Variants in SH3RF2 observed in about 807,000 individuals in gnomAD.
SH3RF2 encodes the protein SH3 domain containing ring finger 2.
In SH3RF2, 43 loss-of-function variants were observed where a neutral mutation model predicts 59.0. That is an observed-to-expected ratio of 0.73 (90% CI 0.57 to 0.94). SH3RF2 has a LOEUF of 0.94. Ranked by LOEUF, SH3RF2 falls within the 40% of genes least tolerant of loss-of-function variation. The probability of loss-of-function intolerance (pLI) is 0.00; values close to 1 mark genes in which losing one functional copy is unlikely to be tolerated. For missense variants in SH3RF2, 930 were observed against 940.1 expected, an observed-to-expected ratio of 0.99 and a Z score of 0.14; for synonymous variants, 391 against 391.5, an observed-to-expected ratio of 1.00 and a Z score of 0.01.
At chr5:146,015,924 T>C (rs373879827) in intron 5 of SH3RF2, among the ~76,000 whole-genome samples, 3 of 152,330 alleles carry the variant, frequency 2.0e-5, no homozygotes, top group East Asian at 3.9e-4. Context: ...GGCCCACTTA[T>C]GACATATCTA....
intron 2 of SH3RF2, among the ~76,000 whole-genome samples, chr5:145,994,133 A>G (rs1334332944): frequency 6.6e-6 from 1 of 152,184 alleles, no homozygotes; most frequent in Non-Finnish European, 1.5e-5. Context: ...CTTTGCTGAA[A>G]CATAACAAGA....
intron 4 of SH3RF2, 99 bp from the exon 5 acceptor site, chr5:146,013,648 G>A: frequency 7.9e-7 from 1 of 1,270,638 alleles, no homozygotes; most frequent in Non-Finnish European, 1.1e-6. Context: ...TGACTGAGGA[G>A]GTGGCACCTG....
intron 2 of SH3RF2, among the ~76,000 whole-genome samples, chr5:145,973,574 A>G (rs977525951): frequency 6.6e-6 from 1 of 152,240 alleles, no homozygotes; most frequent in Non-Finnish European, 1.5e-5. Context: ...ATATAGGAAG[A>G]AAGAGATAGT....
intron 5 of SH3RF2, among the ~76,000 whole-genome samples, chr5:146,022,864 G>C (rs915674510): frequency 7.2e-6 from 1 of 139,450 alleles, no homozygotes; most frequent in Non-Finnish European, 1.5e-5. Context: ...ACAGAGCAAG[G>C]CTCCATCTAA....
At chr5:146,048,705 CT>C (rs2150014724) in intron 6 of SH3RF2, among the ~76,000 whole-genome samples, 1 of 152,220 alleles carries the variant, frequency 6.6e-6, no homozygotes, top group Admixed American at 6.5e-5. Flanking sequence ...TCCTGAATGC[CT>C]TTGATCAGGT....
intron 8 of SH3RF2, among the ~76,000 whole-genome samples, chr5:146,057,970 ATC>A (rs1292799264): frequency 5.8e-4 from 30 of 51,890 alleles, no homozygotes; most frequent in African/African-American, 1.5e-3. Flanking sequence ...CTCTCTCTCT[ATC>A]TATCTATCTA....
At chr5:146,024,414 G>A (rs570798961) in intron 5 of SH3RF2, among the ~76,000 whole-genome samples, 13 of 152,036 alleles carry the variant, frequency 8.6e-5, no homozygotes, top group Non-Finnish European at 1.8e-4. Context: ...TTTTATCATC[G>A]GGTTTCCTTA....
At chr5:145,976,218 C>G (rs925506064) in intron 2 of SH3RF2, among the ~76,000 whole-genome samples, 1 of 152,222 alleles carries the variant, frequency 6.6e-6, no homozygotes, top group Non-Finnish European at 1.5e-5. Flanking sequence ...CCCTCAGACC[C>G]CACCACTTAC....
chr5:145,995,455 C>T (rs1391706307), intron 2 of SH3RF2, among the ~76,000 whole-genome samples: 1 of 152,208 alleles, frequency 6.6e-6, no homozygotes, highest in African/African-American at 2.4e-5. Flanking sequence ...AACCCATTCT[C>T]ATCCAGCTTT....
intron 5 of SH3RF2, among the ~76,000 whole-genome samples, chr5:146,031,319 A>G (rs1384873050): frequency 2.0e-5 from 3 of 152,212 alleles, no homozygotes; most frequent in Non-Finnish European, 4.4e-5. Flanking sequence ...TGAGCCTGGC[A>G]TGAAGAGATG....
intron 5 of SH3RF2, 87 bp from the exon 6 acceptor site, chr5:146,047,685 G>C: frequency 3.2e-6 from 4 of 1,259,976 alleles, no homozygotes; most frequent in Non-Finnish European, 4.5e-6. Flanking sequence ...AGCTGTGTCA[G>C]GTCTTTCTAC....
chr5:145,940,456 C>A (rs917737269), intron 2 of SH3RF2, among the ~76,000 whole-genome samples: 7 of 152,190 alleles, frequency 4.6e-5, no homozygotes, highest in Admixed American at 4.6e-4. Context: ...AGCAACCATG[C>A]ATCCCACAGT....
In SH3RF2 at chr5:146,049,236, C is replaced by G; in HGVS notation, c.1313C>G (p.Pro438Arg). 1.2e-6 allele frequency: 2 copies of G among 1,608,706 alleles called. No homozygotes were observed. The highest frequency in any genetic ancestry group is 1.1e-5 in the South Asian group (1 of 90,374). The change falls in exon 7 of 10, where the codon CCC (proline) becomes CGC (arginine). Residue 438 changes from proline (P) to arginine (R), a missense_variant. Physicochemically the swap from Pro to Arg is moderately radical, Grantham distance 103. Transcript: ENST00000359120. Reference sequence around the variant, plus strand: ...ATCTTCCCAAACAATTACGTCATCCCCATTTTCAGGTGTGTCGCCTCCAAT... The same window carrying G: ...ATCTTCCCAAACAATTACGTCATCCGCATTTTCAGGTGTGTCGCCTCCAAT... ...VGIFPNNYVI[P>R]IFRKTSSFPD...
intron 5 of SH3RF2, among the ~76,000 whole-genome samples, chr5:146,034,990 C>T (rs988159307): frequency 5.3e-5 from 8 of 151,948 alleles, no homozygotes; most frequent in Non-Finnish European, 8.8e-5. Context: ...CCTGTAATCT[C>T]GGCTACTCAG....
At chr5:145,999,489 A>G (rs928022131) in intron 2 of SH3RF2, among the ~76,000 whole-genome samples, 3 of 152,196 alleles carry the variant, frequency 2.0e-5, no homozygotes, top group African/African-American at 7.2e-5. Context: ...TGCCTTCCTC[A>G]TTAAGATTAA....
chr5:146,052,372 T>A (rs925823995), intron 7 of SH3RF2, among the ~76,000 whole-genome samples: 2 of 152,198 alleles, frequency 1.3e-5, no homozygotes, highest in Admixed American at 6.5e-5. Flanking sequence ...GGGCAAGTCA[T>A]GAGCATCTCT....
chr5:145,963,175 G>A (rs919671287), intron 2 of SH3RF2, among the ~76,000 whole-genome samples: 6 of 151,754 alleles, frequency 4.0e-5, no homozygotes, highest in Non-Finnish European at 8.8e-5. Flanking sequence ...GGGATTACAG[G>A]TACAAGCCAC....
intron 3 of SH3RF2, among the ~76,000 whole-genome samples, chr5:146,002,636 C>T (rs954472641): frequency 1.3e-5 from 2 of 152,112 alleles, no homozygotes; most frequent in Non-Finnish European, 2.9e-5. Flanking sequence ...GGAAACGGGC[C>T]GCACAGCAGG....
At chr5:145,943,235 A>T (rs574252123) in intron 2 of SH3RF2, among the ~76,000 whole-genome samples, 5 of 151,672 alleles carry the variant, frequency 3.3e-5, no homozygotes, top group Non-Finnish European at 7.4e-5. Flanking sequence ...TCCATTAAAA[A>T]AAAAAAAGGA....
Sources: gnomAD v4.1 joint callset for allele counts (sites outside exome capture counted in the v4.1 genomes callset) on GRCh38, gnomAD v4.1.1 for gene constraint, MANE v1.5 for transcripts, NCBI Gene and HGNC (gene_info 2026-07-23, HGNC 2026-07-21) for gene names.